The following ACBD3 variants were observed in gnomAD, a reference collection of about 807,000 sequenced individuals.
ACBD3 encodes the protein Golgi resident protein GCP60.
Under a neutral mutation model 66.9 loss-of-function variants are expected in ACBD3, and 30 were observed. That is an observed-to-expected ratio of 0.45 (90% CI 0.34 to 0.61). The LOEUF (loss-of-function observed/expected upper bound fraction) is 0.61. Ranked by LOEUF, ACBD3 falls within the 20% of genes least tolerant of loss-of-function variation. The probability of loss-of-function intolerance (pLI) is 0.02; values close to 1 mark genes in which losing one functional copy is unlikely to be tolerated. For missense variants in ACBD3, 544 were observed against 664.5 expected (o/e 0.82, Z 1.99); for synonymous variants, 278 against 259.8 (o/e 1.07, Z -0.68).
chr1:226,152,699 A>T, intron 6 of ACBD3, 80 bp from the exon 7 acceptor site: 1 of 1,381,798 alleles, frequency 7.2e-7, no homozygotes, highest in Non-Finnish European at 9.9e-7. Context: ...GCACTACCTG[A>T]TCAGTTGTAC....
At chr1:226,164,980 C>A (rs754492297) in intron 2 of ACBD3, 51 bp from the exon 3 acceptor site, 2 of 1,467,356 alleles carry the variant, frequency 1.4e-6, no homozygotes, top group South Asian at 1.5e-5. Context: ...AGAATGAGAA[C>A]TTTTAAATTT....
chr1:226,170,531 A>T (rs1419237725), intron 1 of ACBD3, among the ~76,000 whole-genome samples: 2 of 151,966 alleles, frequency 1.3e-5, no homozygotes, highest in African/African-American at 4.8e-5. Context: ...ATGTCAGTAA[A>T]GATAAAATCA....
intron 1 of ACBD3, among the ~76,000 whole-genome samples, chr1:226,176,126 G>C (rs1656026618): frequency 6.6e-6 from 1 of 152,086 alleles, no homozygotes; most frequent in Non-Finnish European, 1.5e-5. Context: ...ATGGAGGAAG[G>C]GGCATAAACA....
chr1:226,157,239 T>C (rs1659691278), intron 5 of ACBD3, among the ~76,000 whole-genome samples: 5 of 80,048 alleles, frequency 6.2e-5, no homozygotes, highest in South Asian at 5.6e-4. Flanking sequence ...ATCTCAATTA[T>C]GGATTTTTTT....
intron 6 of ACBD3, 54 bp from the exon 7 acceptor site, chr1:226,152,673 T>G: frequency 1.1e-5 from 17 of 1,519,800 alleles, no homozygotes; most frequent in African/African-American, 1.4e-5. Context: ...ACCCTGCAGG[T>G]AGCCACATTT....
At position 226,161,706 on chromosome 1, in the gene ACBD3, G is replaced by A. The variant is rs1249827848; in HGVS notation, c.570-17C>T. 2 of 1,565,450 alleles carry A rather than the reference G, an allele frequency of 1.3e-6. No individual in the cohort carries two copies. The highest frequency in any genetic ancestry group is 4.8e-5 in the East Asian group (2 of 41,814). ...TCCTCCTTCCTACAAGGCAAAGATA[G>A]AGAATGAACCCTATACGTTGAATCC... is the stretch of plus-strand genomic sequence containing the variant. On this transcript the variant is annotated splice_polypyrimidine_tract_variant and intron_variant, in intron 3 of 7. Transcript: ENST00000366812.
intron 1 of ACBD3, among the ~76,000 whole-genome samples, chr1:226,179,008 A>C (rs1243323526): frequency 6.6e-6 from 1 of 152,190 alleles, no homozygotes; most frequent in Non-Finnish European, 1.5e-5. Flanking sequence ...AGAAAGTCAC[A>C]AAATATGTAT....
chr1:226,159,197 A>G lies in ACBD3; in HGVS notation c.890T>C (p.Leu297Pro). 1 of 1,614,186 alleles carries G rather than the reference A, an allele frequency of 6.2e-7. No individual in the cohort carries two copies. The highest frequency in any genetic ancestry group is 8.5e-7 in the Non-Finnish European group (1 of 1,180,004). ...QYMQQLYQVQ[L>P]AQQQAALQKQ... Reference sequence around the variant, plus strand: ...TGTCTATCGTACCTGTTGCTGTGCAAGCTGGACTTGATACAACTGCTGCAT... The same window carrying G: ...TGTCTATCGTACCTGTTGCTGTGCAGGCTGGACTTGATACAACTGCTGCAT... Residue 297 changes from leucine (L) to proline (P), a missense_variant, in exon 5 of 8, where the codon CTT becomes CCT. Leu to Pro is a moderately conservative substitution (Grantham distance 98). Transcript: ENST00000366812.
Position 226,146,440 on chromosome 1 carries a change from T to A in ACBD3, c.*170A>T. ...ATCTCCTTTAACCCCAAAGTATGAA[T>A]GCTAAAGAGTCTCAAGGAAATTTTG... On this transcript the variant is annotated 3_prime_UTR_variant, in exon 8 of 8. Coordinates refer to ENST00000366812, the MANE Select transcript of ACBD3 (RefSeq NM_022735.4). 1.6e-6 allele frequency: 1 copy of A among 623,284 alleles called. No individual in the cohort carries two copies. Among genetic ancestry groups the A allele is most frequent in the Non-Finnish European group, 2.8e-6 (1 of 361,314 alleles). 38.6% of individuals were successfully genotyped at this position (623,284 alleles called of 1,614,324 possible). A position where few individuals can be genotyped will look rare whatever the true frequency, so the allele number is the denominator to read the frequency against.
chr1:226,147,274 G>GTTAA (rs1553267030), intron 7 of ACBD3, among the ~76,000 whole-genome samples: 1 of 152,100 alleles, frequency 6.6e-6, no homozygotes, highest in Non-Finnish European at 1.5e-5. Context: ...TTATTAGTTC[G>GTTAA]TTCATTCATT....
intron 6 of ACBD3, among the ~76,000 whole-genome samples, chr1:226,154,336 G>A (rs1406257099): frequency 6.6e-6 from 1 of 151,938 alleles, no homozygotes; most frequent in Non-Finnish European, 1.5e-5. Context: ...GCCTCCCAGA[G>A]TGCTGGGATT....
At chr1:226,147,932 G>A (rs1173896504) in intron 7 of ACBD3, 1 of 152,172 alleles carries the variant, frequency 6.6e-6, no homozygotes, top group Non-Finnish European at 1.5e-5. Context: ...GTTTATGGTT[G>A]TTGTTTTTGT....
intron 1 of ACBD3, 83 bp from the exon 2 acceptor site, chr1:226,166,083 C>T: frequency 7.1e-7 from 1 of 1,407,100 alleles, no homozygotes; most frequent in East Asian, 2.6e-5. Context: ...AGCTTTGCTA[C>T]AAAGCATGTC....
In ACBD3 at chr1:226,145,047, A is replaced by C. The variant is rs1468461484; in HGVS notation, c.*1563T>G. The C allele has an allele frequency of 6.6e-6, 1 of 152,600 alleles. No homozygotes were observed. Among genetic ancestry groups the C allele is most frequent in the Non-Finnish European group, 1.5e-5 (1 of 68,020 alleles). 9.5% of individuals were successfully genotyped at this position (152,600 alleles called of 1,614,324 possible). A position where few individuals can be genotyped will look rare whatever the true frequency, so the allele number is the denominator to read the frequency against. On this transcript the variant is annotated 3_prime_UTR_variant, in exon 8 of 8. Transcript: ENST00000366812. ...ATGGTTTCTATACCATATGTACATGAAAGCTGACAGAGAGCCTGACAAATG... is the reference window on the plus strand; with the variant it reads ...ATGGTTTCTATACCATATGTACATGCAAGCTGACAGAGAGCCTGACAAATG...
At chr1:226,161,380 T>G in intron 4 of ACBD3, 151 bp downstream of exon 4, 1 of 967,800 alleles carries the variant, frequency 1.0e-6, no homozygotes, top group South Asian at 1.6e-5. Flanking sequence ...CCTCAGGTGA[T>G]CTCCCAACCT....
Position 226,145,223 on chromosome 1 carries a change from T to A in ACBD3, c.*1387A>T, listed in dbSNP as rs1356979323. On this transcript the variant is annotated 3_prime_UTR_variant, in exon 8 of 8. Transcript: ENST00000366812. ...GTTAGATATGTACAAAACCAGGTAT[T>A]AAAAAACAGAAAGAAATACAGCACA... 6.6e-6 allele frequency: 1 copy of A among 152,410 alleles called. No individual in the cohort carries two copies. The highest frequency in any genetic ancestry group is 1.5e-5 in the Non-Finnish European group (1 of 67,996). 9.4% of individuals were successfully genotyped at this position (152,410 alleles called of 1,614,324 possible).
rs57231361 is a variant in ACBD3 at position 226,178,574 on chromosome 1, C to CAAA, written c.286+7813_286+7815dup. On this transcript the variant is annotated intron_variant, in intron 1 of 7. Transcript: ENST00000366812. ...TGGGCGACAGAGCAAGACTCCGTCT[C>CAAA]AAAAAAAAAAAAAAAAAAAGACTAT... 3.6e-3 allele frequency among the ~76,000 whole-genome samples: 298 copies of CAAA among 83,598 alleles called. 10 individuals are homozygous for CAAA. Among genetic ancestry groups the CAAA allele is most frequent in the African/African-American group, 0.01 (214 of 21,240 alleles). 54.8% of individuals were successfully genotyped at this position (83,598 alleles called of 152,430 possible).
intron 2 of ACBD3, among the ~76,000 whole-genome samples, chr1:226,165,500 A>G (rs1395131332): frequency 2.6e-5 from 4 of 152,134 alleles, no homozygotes; most frequent in Non-Finnish European, 4.4e-5. Context: ...TTGAGCCTTA[A>G]TTAAACAAAA....
Position 226,149,189 on chromosome 1 carries a change from C to T in ACBD3, c.1376-2368G>A, listed in dbSNP as rs142250059. On this transcript the variant is annotated intron_variant, in intron 7 of 7. Transcript: ENST00000366812. ...GCCAGGAGAAATACATTACCTCAAC[C>T]AACTTCTGAACAGAGAATTCTTATT... is the stretch of plus-strand genomic sequence containing the variant. Among the ~76,000 whole-genome samples the T allele has an allele frequency of 2.4e-3, 368 of 152,250 alleles. 1 individual carries two copies. Among genetic ancestry groups the T allele is most frequent in the Non-Finnish European group, 3.6e-3 (245 of 68,018 alleles).
Sources: allele counts gnomAD v4.1 joint callset (sites outside exome capture counted in the v4.1 genomes callset), GRCh38; gene constraint gnomAD v4.1.1; transcripts MANE v1.5; gene names NCBI Gene and HGNC (gene_info 2026-07-23, HGNC 2026-07-21).